ARK2N: variants seen among roughly 807,000 people sequenced by gnomAD.
ARK2N encodes the protein protein ARK2N.
the ARK2N span, among the ~76,000 whole-genome samples, chr18:46,183,770 A>C: frequency 6.6e-6 from 1 of 152,110 alleles, no homozygotes; most frequent in Admixed American, 6.6e-5. Flanking sequence ...TTGGTGGGAA[A>C]ACTGACTCAA....
chr18:46,196,947 TAG>T, the ARK2N span, among the ~76,000 whole-genome samples: 1 of 152,160 alleles, frequency 6.6e-6, no homozygotes. Context: ...GGAGCAATCC[TAG>T]AGAGAGAAGT....
At chr18:46,181,597 C>A in the ARK2N span, among the ~76,000 whole-genome samples, 1 of 151,980 alleles carries the variant, frequency 6.6e-6, no homozygotes, top group Non-Finnish European at 1.5e-5. Flanking sequence ...ACCTGTAGTC[C>A]CAGCTACTCG....
chr18:46,262,594 T>G, the ARK2N span, among the ~76,000 whole-genome samples: 2 of 152,216 alleles, frequency 1.3e-5, no homozygotes, highest in Non-Finnish European at 2.9e-5. Context: ...TGTTCTGGAT[T>G]TATGTGTTGC....
At chr18:46,257,314 T>C in the ARK2N span, among the ~76,000 whole-genome samples, 1 of 152,220 alleles carries the variant, frequency 6.6e-6, no homozygotes, top group Non-Finnish European at 1.5e-5. Flanking sequence ...AGTTGTGATA[T>C]GCCTCTCCCC....
chr18:46,197,741 C>CA, the ARK2N span, among the ~76,000 whole-genome samples: 1 of 151,990 alleles, frequency 6.6e-6, no homozygotes. Context: ...ACTCTCTTTT[C>CA]AAAAAGGGGA....
At chr18:46,243,791 A>G in the ARK2N span, among the ~76,000 whole-genome samples, 19 of 152,216 alleles carry the variant, frequency 1.2e-4, no homozygotes, top group African/African-American at 4.6e-4. Flanking sequence ...AAACTGGGGC[A>G]CAACCTTTAT....
chr18:46,212,481 G>A, the ARK2N span, among the ~76,000 whole-genome samples: 6 of 151,862 alleles, frequency 4.0e-5, no homozygotes, highest in Non-Finnish European at 8.8e-5. Flanking sequence ...CATTAAAATT[G>A]CGTGAGAACT....
At chr18:46,201,273 C>T in the ARK2N span, among the ~76,000 whole-genome samples, 1 of 152,120 alleles carries the variant, frequency 6.6e-6, no homozygotes, top group Non-Finnish European at 1.5e-5. Context: ...ACGTGATCTA[C>T]TATGCCTGAC....
the ARK2N span, among the ~76,000 whole-genome samples, chr18:46,236,464 C>T: frequency 6.6e-6 from 1 of 152,184 alleles, no homozygotes; most frequent in African/African-American, 2.4e-5. Context: ...ACATTTACCT[C>T]TAGAGAAAGA....
At chr18:46,250,312 A>G in the ARK2N span, among the ~76,000 whole-genome samples, 2 of 152,024 alleles carry the variant, frequency 1.3e-5, no homozygotes, top group Admixed American at 6.5e-5. Context: ...TGAACTGCTT[A>G]TTGGACATAT....
chr18:46,232,961 TG>T, the ARK2N span: 1 of 152,178 alleles, frequency 6.6e-6, no homozygotes, highest in African/African-American at 2.4e-5. Context: ...CTGTTGAGGA[TG>T]GGGTTATGTG....
At chr18:46,253,162 C>T in the ARK2N span, among the ~76,000 whole-genome samples, 1 of 152,162 alleles carries the variant, frequency 6.6e-6, no homozygotes, top group African/African-American at 2.4e-5. Flanking sequence ...TGTGCTAAAT[C>T]TTTCACAAAG....
chr18:46,213,777 A>G, the ARK2N span, among the ~76,000 whole-genome samples: 1 of 152,006 alleles, frequency 6.6e-6, no homozygotes, highest in Non-Finnish European at 1.5e-5. Context: ...GCTCACTGCA[A>G]CCTCCGCCTC....
At chr18:46,245,412 T>TA in the ARK2N span, among the ~76,000 whole-genome samples, 3 of 151,486 alleles carry the variant, frequency 2.0e-5, no homozygotes, top group Admixed American at 1.3e-4. Context: ...CTAAAAAAAA[T>TA]ACAAAAATTA....
the ARK2N span, among the ~76,000 whole-genome samples, chr18:46,194,640 A>AT: frequency 5.5e-5 from 8 of 144,686 alleles, no homozygotes; most frequent in East Asian, 8.7e-4. Flanking sequence ...TGCCTGGCTA[A>AT]TTTTTTTTTA....
At chr18:46,251,689 T>A in the ARK2N span, among the ~76,000 whole-genome samples, 1 of 152,262 alleles carries the variant, frequency 6.6e-6, no homozygotes, top group Non-Finnish European at 1.5e-5. Context: ...TTATGTGTAA[T>A]ACTTTATATG....
chr18:46,251,359 C>T, the ARK2N span, among the ~76,000 whole-genome samples: 1 of 152,314 alleles, frequency 6.6e-6, no homozygotes, highest in East Asian at 1.9e-4. Context: ...TCCATTTAAG[C>T]AGCCTCCCTA....
At chr18:46,226,803 T>A in the ARK2N span, among the ~76,000 whole-genome samples, 1 of 151,566 alleles carries the variant, frequency 6.6e-6, no homozygotes, top group Non-Finnish European at 1.5e-5. Context: ...TCCACTGGAT[T>A]TACTTTTTTT....
the ARK2N span, chr18:46,232,120 A>G: frequency 6.6e-6 from 1 of 152,150 alleles, no homozygotes; most frequent in African/African-American, 2.4e-5. Context: ...CAATATAGTG[A>G]ATTCTTTTTT....
Sources: allele counts gnomAD v4.1 joint callset (sites outside exome capture counted in the v4.1 genomes callset), GRCh38; gene constraint gnomAD v4.1.1; transcripts MANE v1.5; gene names NCBI Gene and HGNC (gene_info 2026-07-23, HGNC 2026-07-21).